Variants in DNAJC13 observed in about 807,000 individuals in gnomAD.
The protein encoded by DNAJC13 is DnaJ heat shock protein family (Hsp40) member C13.
In DNAJC13, 75 loss-of-function variants were observed where a neutral mutation model predicts 290.5. The observed-to-expected ratio is 0.26, with a 90% CI of 0.21 to 0.31. The LOEUF (loss-of-function observed/expected upper bound fraction) is 0.31, where lower values mean the gene tolerates loss of function less well. DNAJC13 is among the 10% of genes least tolerant of loss of function. DNAJC13 has a pLI of 1.00. For synonymous variants in DNAJC13, 862 were observed against 892.0 expected, an observed-to-expected ratio of 0.97 and a Z score of 0.60; for missense variants, 2,260 against 2,674.5, an observed-to-expected ratio of 0.85 and a Z score of 3.42.
chr3:132,510,926 C>A (rs1559906125), intron 43 of DNAJC13, 141 bp from the exon 44 acceptor site: 1 of 858,500 alleles, frequency 1.2e-6, no homozygotes, highest in East Asian at 2.5e-5. Flanking sequence ...CTACATCCCC[C>A]CTATAGTGCA....
Position 132,446,507 on chromosome 3 carries a change from C to G in DNAJC13, c.101C>G (p.Ala34Gly). 6.2e-7 allele frequency: 1 copy of G among 1,608,590 alleles called. No homozygotes were observed. Among genetic ancestry groups the G allele is most frequent in the Non-Finnish European group, 8.5e-7 (1 of 1,177,954 alleles). ...CGTGTCTTTTCAGTTGGAACTCATG[C>G]GATTACTACATATAATCCCAATACC... Reference protein sequence around the residue: ...YKRVFSVGTHAITTYNPNTLE... With the variant: ...YKRVFSVGTHGITTYNPNTLE... The change falls in exon 3 of 56, where the codon GCG (alanine) becomes GGG (glycine). Residue 34 changes from alanine (A) to glycine (G), a missense_variant. Ala to Gly is a moderately conservative substitution (Grantham distance 60, BLOSUM62 0). Transcript: ENST00000260818.
chr3:132,504,432 T>C (rs2107723381), intron 41 of DNAJC13, among the ~76,000 whole-genome samples: 1 of 152,174 alleles, frequency 6.6e-6, no homozygotes, highest in South Asian at 2.1e-4. Flanking sequence ...ATGTGATACA[T>C]TTTGCTGACT....
rs756729959 is a variant in DNAJC13 at position 132,499,236 on chromosome 3, A to G, written c.4267A>G (p.Thr1423Ala). Residue 1423 changes from threonine to alanine, a missense_variant, in exon 37 of 56, where the codon ACA (threonine) becomes GCA (alanine). Thr to Ala is a moderately conservative substitution (Grantham distance 58). Transcript: ENST00000260818. ...AGAATCACCATTGTTGCCTGCGGCT[A>G]CAGAGCTAGCTTTCCATACTGTCAA... ...SKESPLLPAA[T>A]ELAFHTVNCS... 5.0e-6 allele frequency: 8 copies of G among 1,614,050 alleles called. No homozygotes were observed. In the South Asian group the frequency reaches 5.5e-5, roughly 11 times the overall value.
chr3:132,477,999 G>C lies in DNAJC13; in HGVS notation c.2568G>C (p.Glu856Asp). 1 of 1,606,592 alleles carries C rather than the reference G, an allele frequency of 6.2e-7. No homozygotes were observed. The highest frequency in any genetic ancestry group is 8.5e-7 in the Non-Finnish European group (1 of 1,178,224). ...AATCTAGGTATGAATTTTTCAATGA[G>C]CTTTATCATCGCTTCTTGCTCACCC... ...SIKRSYEFFN[E>D]LYHRFLLTPK... The change falls in exon 24 of 56, where the codon GAG becomes GAC. Residue 856 changes from glutamate (E) to aspartate (D), a missense_variant. Transcript: ENST00000260818.
chr3:132,471,665 G>T (rs1375844579), intron 20 of DNAJC13, among the ~76,000 whole-genome samples: 1 of 124,798 alleles, frequency 8.0e-6, no homozygotes, highest in African/African-American at 3.1e-5. Context: ...GGGCAGAGAC[G>T]CTCCTCACTT....
chr3:132,513,417 G>A (rs1278764979), intron 45 of DNAJC13, among the ~76,000 whole-genome samples: 1 of 152,154 alleles, frequency 6.6e-6, no homozygotes, highest in South Asian at 2.1e-4. Flanking sequence ...TCAGCAAGAA[G>A]ATGATAGAGG....
At chr3:132,458,249 T>C (rs1379532486) in intron 13 of DNAJC13, 4 of 152,156 alleles carry the variant, frequency 2.6e-5, no homozygotes, top group African/African-American at 7.2e-5. Flanking sequence ...TTATCTCAGT[T>C]TTGTGTGTAG....
chr3:132,483,323 G>A, intron 27 of DNAJC13, 52 bp from the exon 28 acceptor site: 1 of 1,452,228 alleles, frequency 6.9e-7, no homozygotes, highest in Non-Finnish European at 9.6e-7. Context: ...AAACACTAGT[G>A]AGGTTTTTCA....
chr3:132,428,252 C>T (rs1242834509), intron 1 of DNAJC13, among the ~76,000 whole-genome samples: 2 of 152,188 alleles, frequency 1.3e-5, no homozygotes, highest in African/African-American at 2.4e-5. Context: ...TAGCGAGTTA[C>T]GTGCGTGTCT....
At chr3:132,422,049 T>C (rs1938974482) in intron 1 of DNAJC13, among the ~76,000 whole-genome samples, 1 of 151,304 alleles carries the variant, frequency 6.6e-6, no homozygotes, top group Non-Finnish European at 1.5e-5. Context: ...TTTTTTTTCT[T>C]TTTTCAGACC....
intron 1 of DNAJC13, among the ~76,000 whole-genome samples, chr3:132,418,775 A>G (rs1938873484): frequency 1.3e-5 from 2 of 152,204 alleles, no homozygotes; most frequent in Admixed American, 1.3e-4. Context: ...CTTTCTTACT[A>G]TATTTTCTTT....
At chr3:132,466,887 A>C (rs949607259) in intron 19 of DNAJC13, among the ~76,000 whole-genome samples, 1 of 152,152 alleles carries the variant, frequency 6.6e-6, no homozygotes, top group African/African-American at 2.4e-5. Flanking sequence ...TACTATAATA[A>C]TTTCTTACGT....
At chr3:132,531,145 T>G in intron 55 of DNAJC13, 48 bp downstream of exon 55, 13 of 1,519,590 alleles carry the variant, frequency 8.6e-6, no homozygotes, top group African/African-American at 4.1e-5. Flanking sequence ...CAGAAGCCAC[T>G]TGGACCTTCC....
chr3:132,511,423 A>C (rs1935776906), intron 44 of DNAJC13, among the ~76,000 whole-genome samples, 179 bp downstream of exon 44: 1 of 152,166 alleles, frequency 6.6e-6, no homozygotes, highest in South Asian at 2.1e-4. Context: ...CTGGGGAGAG[A>C]GGTCAAGGCA....
At chr3:132,492,341 A>C in intron 32 of DNAJC13, 73 bp from the exon 33 acceptor site, 1 of 1,428,662 alleles carries the variant, frequency 7.0e-7, no homozygotes, top group African/African-American at 1.4e-5. Flanking sequence ...ACTATCTTAC[A>C]TGATTATGTA....
In DNAJC13 at chr3:132,446,526, C is replaced by G. The variant is rs1429056409; in HGVS notation, c.120C>G (p.Pro40=). The G allele has an allele frequency of 1.9e-6, 3 of 1,607,062 alleles. No individual in the cohort carries two copies. In the Admixed American group the frequency reaches 5.1e-5, roughly 28 times the overall value. The change falls in exon 3 of 56, where the codon CCC becomes CCG. Residue 40 remains proline, a synonymous_variant. Transcript: ENST00000260818. ...CTCATGCGATTACTACATATAATCC[C>G]AATACCTTAGAAGTAACAAATCAGG... ...VGTHAITTYN[P]NTLEVTNQWP... is the part of the protein sequence containing the mutation.
chr3:132,488,498 T>C (rs771570194), intron 30 of DNAJC13, 46 bp downstream of exon 30: 5 of 1,511,028 alleles, frequency 3.3e-6, no homozygotes, highest in Non-Finnish European at 3.6e-6. Context: ...ATTTGAATTT[T>C]ATATGGACTG....
intron 20 of DNAJC13, among the ~76,000 whole-genome samples, chr3:132,469,034 A>C (rs1020375778): frequency 6.6e-6 from 1 of 152,222 alleles, no homozygotes; most frequent in African/African-American, 2.4e-5. Context: ...TTTAATATAA[A>C]AGTTTTACTG....
In DNAJC13 at chr3:132,477,851, G is replaced by A; in HGVS notation, c.2508G>A (p.Leu836=). ...GAGACTATTACCTGAGATTACTATTGGAGGAAGATGAGAATGAAGAAAGTG... is the reference window on the plus strand; with the variant it reads ...GAGACTATTACCTGAGATTACTATTAGAGGAAGATGAGAATGAAGAAAGTG... The part of the protein sequence containing the change: ...KIGDYYLRLL[L]EEDENEESGS... The change falls in exon 23 of 56, where the codon TTG becomes TTA. Residue 836 remains leucine, a synonymous_variant. Transcript: ENST00000260818. 6.2e-7 allele frequency: 1 copy of A among 1,613,542 alleles called. No homozygotes were observed. The highest frequency in any genetic ancestry group is 8.5e-7 in the Non-Finnish European group (1 of 1,179,750).
Sources: allele counts gnomAD v4.1 joint callset (sites outside exome capture counted in the v4.1 genomes callset), GRCh38; gene constraint gnomAD v4.1.1; transcripts MANE v1.5; gene names NCBI Gene and HGNC (gene_info 2026-07-23, HGNC 2026-07-21).